The following TRMT6 variants were observed in gnomAD, a reference collection of about 807,000 sequenced individuals.
The protein encoded by TRMT6 is tRNA methyltransferase 6 non-catalytic subunit.
Under a neutral mutation model 59.0 loss-of-function variants are expected in TRMT6, and 34 were observed. The observed-to-expected ratio is 0.58, with a 90% CI of 0.44 to 0.77. The LOEUF is 0.77. TRMT6 is among the 30% of genes least tolerant of loss of function. TRMT6 has a pLI of 0.00. For missense variants in TRMT6, 575 were observed against 604.5 expected, an observed-to-expected ratio of 0.95 and a Z score of 0.51; for synonymous variants, 217 against 210.5, an observed-to-expected ratio of 1.03 and a Z score of -0.27.
At chr20:5,941,420 A>G in intron 8 of TRMT6, 75 bp from the exon 9 acceptor site, 1 of 1,031,128 alleles carries the variant, frequency 9.7e-7, no homozygotes, top group South Asian at 1.4e-5. Context: ...TGCATTTAAA[A>G]TGATCATGTA....
At position 5,944,031 on chromosome 20, in the gene TRMT6, T is replaced by C; in HGVS notation, c.459A>G (p.Lys153=). Residue 153 remains lysine, a splice_region_variant and synonymous_variant, in exon 5 of 11, where the codon AAA becomes AAG. Coordinates refer to ENST00000203001, the MANE Select transcript of TRMT6 (RefSeq NM_015939.5). The stretch of plus-strand genomic sequence containing the variant: ...TCACAACAGTAATGATGGCTTCATA[T>C]CTGGGGGAAGAAAAAACAGAACGCT... ...QDKYIKKKKK[K]YEAIITVVKP... 6.3e-7 allele frequency: 1 copy of C among 1,578,582 alleles called. No homozygotes were observed. Among genetic ancestry groups the C allele is most frequent in the Non-Finnish European group, 8.6e-7 (1 of 1,163,584 alleles).
chr20:5,943,476 G>A (rs1391123775), intron 6 of TRMT6, 83 bp downstream of exon 6: 18 of 1,556,372 alleles, frequency 1.2e-5, no homozygotes, highest in Non-Finnish European at 1.4e-5. Context: ...ATTCAATTTG[G>A]CTTTCCATGA....
rs113922041 is a variant in TRMT6, at chr20:5,943,539, A to T, written c.667+20T>A. 6.2e-7 allele frequency: 1 copy of T among 1,613,162 alleles called. No individual in the cohort carries two copies. The highest frequency in any genetic ancestry group is 1.3e-5 in the African/African-American group (1 of 75,000). On this transcript the variant is annotated intron_variant, in intron 6 of 10. Transcript: ENST00000203001. Reference sequence around the variant, plus strand: ...ACATCAGGGTGGGGTTTTGTTGAAAATGGAAATATTAAATCTTACCTCCCA... The same window carrying T: ...ACATCAGGGTGGGGTTTTGTTGAAATTGGAAATATTAAATCTTACCTCCCA...
intron 6 of TRMT6, among the ~76,000 whole-genome samples, 163 bp from the exon 7 acceptor site, chr20:5,942,949 T>C (rs1017640070): frequency 2.6e-5 from 4 of 152,294 alleles, no homozygotes; most frequent in Middle Eastern, 3.4e-3. Context: ...TTGGAGTCTA[T>C]GAGTATTACC....
chr20:5,940,743 G>C (rs944247220), intron 10 of TRMT6, among the ~76,000 whole-genome samples: 4 of 152,122 alleles, frequency 2.6e-5, no homozygotes, highest in Non-Finnish European at 5.9e-5. Context: ...CTCAGCTCCT[G>C]AGTAGCTGGG....
chr20:5,942,432 T>C lies in TRMT6; in HGVS notation c.1022A>G (p.Asp341Gly), dbSNP rs2088665126. ...GGGGACTCTTGGCATCCTTACATAA[T>C]CTTTTTTGCTTCCTCTCTCTTTAGG... ...KGPKERGSKKDYIQEKQRRQE... is the reference protein window; with the variant it reads ...KGPKERGSKKGYIQEKQRRQE... Residue 341 changes from aspartate to glycine, a missense_variant, in exon 7 of 11, where the codon GAT (aspartate) becomes GGT (glycine). Transcript: ENST00000203001. 1 of 1,613,666 alleles carries C rather than the reference T, an allele frequency of 6.2e-7. No individual in the cohort carries two copies. The highest frequency in any genetic ancestry group is 8.5e-7 in the Non-Finnish European group (1 of 1,179,698).
Position 5,944,881 on chromosome 20 carries a change from A to G in TRMT6, c.290T>C (p.Ile97Thr), listed in dbSNP as rs748443470. ...TKEAGTDNRNIVDDGKSQKLT... is the reference protein window; with the variant it reads ...TKEAGTDNRNTVDDGKSQKLT... Reference sequence around the variant, plus strand: ...TTTCTGAGATTTCCCATCATCAACTATATTTCGATTATCAGTGCCCGCTTC... The same window carrying G: ...TTTCTGAGATTTCCCATCATCAACTGTATTTCGATTATCAGTGCCCGCTTC... The change falls in exon 3 of 11, where the codon ATA (isoleucine) becomes ACA (threonine). Residue 97 changes from isoleucine to threonine, a missense_variant. Ile to Thr is a moderately conservative substitution (Grantham distance 89). Transcript: ENST00000203001. 17 of 1,613,944 alleles carry G rather than the reference A, an allele frequency of 1.1e-5. 1 individual carries two copies. The highest frequency in any genetic ancestry group is 9.9e-5 in the South Asian group (9 of 91,080).
chr20:5,944,372 A>T, intron 3 of TRMT6, 119 bp from the exon 4 acceptor site: 1 of 583,898 alleles, frequency 1.7e-6, no homozygotes, highest in Admixed American at 3.5e-5. Context: ...CCTTTTCCAC[A>T]GAAGTCCAAA....
chr20:5,939,374 G>A (rs1246741480), intron 10 of TRMT6, among the ~76,000 whole-genome samples: 6 of 151,766 alleles, frequency 4.0e-5, no homozygotes, highest in Admixed American at 2.0e-4. Context: ...CCAGCTACTC[G>A]GGAGGCTGAG....
In TRMT6 at chr20:5,942,048, A is replaced by G; in HGVS notation, c.1027-12T>C. On this transcript the variant is annotated splice_polypyrimidine_tract_variant and intron_variant, in intron 7 of 10. Coordinates refer to ENST00000203001, the MANE Select transcript of TRMT6 (RefSeq NM_015939.5). ...TGTTTTTCCTGAATCTTCAAAAAGAAAAATAAGAAATCAATGTACTGGGGT... is the reference window on the plus strand; with the variant it reads ...TGTTTTTCCTGAATCTTCAAAAAGAGAAATAAGAAATCAATGTACTGGGGT... 2 of 1,608,332 alleles carry G rather than the reference A, an allele frequency of 1.2e-6. No homozygotes were observed. The highest frequency in any genetic ancestry group is 1.7e-6 in the Non-Finnish European group (2 of 1,177,628).
At chr20:5,943,487 G>C in intron 6 of TRMT6, 72 bp downstream of exon 6, 1 of 1,585,364 alleles carries the variant, frequency 6.3e-7, no homozygotes, top group East Asian at 2.2e-5. Context: ...CTTTCCATGA[G>C]TTTACATTTT....
At chr20:5,945,103 C>G (rs2088694039) in intron 2 of TRMT6, among the ~76,000 whole-genome samples, 189 bp from the exon 3 acceptor site, 1 of 152,216 alleles carries the variant, frequency 6.6e-6, no homozygotes, top group African/African-American at 2.4e-5. Flanking sequence ...TGCTCCCAGT[C>G]TTGCCCCCCT....
chr20:5,941,543 G>T, intron 8 of TRMT6, 198 bp from the exon 9 acceptor site: 1 of 583,578 alleles, frequency 1.7e-6, no homozygotes, highest in Non-Finnish European at 3.0e-6. Context: ...TAGGTTAGAA[G>T]CTCTTGTGGT....
chr20:5,941,187 G>C (rs1367937810), intron 9 of TRMT6, 48 bp from the exon 10 acceptor site: 2 of 1,607,092 alleles, frequency 1.2e-6, no homozygotes, highest in Non-Finnish European at 1.7e-6. Flanking sequence ...CTGGGATGCA[G>C]TTTAAGAATC....
In TRMT6 at chr20:5,946,533, T is replaced by C; in HGVS notation, c.129A>G (p.Lys43=). The C allele has an allele frequency of 1.2e-6, 2 of 1,613,794 alleles. No individual in the cohort carries two copies. Among genetic ancestry groups the C allele is most frequent in the East Asian group, 2.2e-5 (1 of 44,880 alleles). ...VFKAVQVQRR[K]KVTFEKQWFY... ...ACCACTGTTTTTCGAAAGTTACTTTTCTAGGGAAAAAAAGTAATCAATTAA... is the reference window on the plus strand; with the variant it reads ...ACCACTGTTTTTCGAAAGTTACTTTCCTAGGGAAAAAAAGTAATCAATTAA... Residue 43 remains lysine (K), a splice_region_variant and synonymous_variant, in exon 2 of 11, where the codon AAA becomes AAG. Transcript: ENST00000203001.
At chr20:5,947,694 T>C (rs2088719698) in intron 1 of TRMT6, among the ~76,000 whole-genome samples, 1 of 152,204 alleles carries the variant, frequency 6.6e-6, no homozygotes, top group African/African-American at 2.4e-5. Context: ...CCTCCTCAGA[T>C]GTTGCAATTC....
chr20:5,948,770 ACATACCCCT>A (rs2088732552), intron 1 of TRMT6, among the ~76,000 whole-genome samples: 1 of 152,230 alleles, frequency 6.6e-6, no homozygotes, highest in South Asian at 2.1e-4. Flanking sequence ...ACTAAAAGAA[ACATACCCCT>A]CATAAAAGAA....
At chr20:5,947,819 G>A (rs1217568209) in intron 1 of TRMT6, among the ~76,000 whole-genome samples, 1 of 152,138 alleles carries the variant, frequency 6.6e-6, no homozygotes, top group Non-Finnish European at 1.5e-5. Context: ...ACTGTGGGAG[G>A]CCAGGTGGGT....
rs2088628569 is a variant in TRMT6, at chr20:5,938,637, A to C, written c.1392T>G (p.Leu464=). 1 of 1,614,084 alleles carries C rather than the reference A, an allele frequency of 6.2e-7. No individual in the cohort carries two copies. Among genetic ancestry groups the C allele is most frequent in the South Asian group, 1.1e-5 (1 of 91,086 alleles). Reference sequence around the variant, plus strand: ...TAGATTTGAGGCTGGTGTCTGCTTTAAGGTTGTCCATGGCAACGGTGAAGC... The same window carrying C: ...TAGATTTGAGGCTGGTGTCTGCTTTCAGGTTGTCCATGGCAACGGTGAAGC... ...LSGFTVAMDN[L]KADTSLKSNA... Residue 464 remains leucine, a synonymous_variant, in exon 11 of 11, where the codon CTT becomes CTG. Transcript: ENST00000203001.
Sources: allele counts gnomAD v4.1 joint callset (sites outside exome capture counted in the v4.1 genomes callset), GRCh38; gene constraint gnomAD v4.1.1; transcripts MANE v1.5; gene names NCBI Gene and HGNC (gene_info 2026-07-23, HGNC 2026-07-21).